The following SNTG2 variants were observed in gnomAD, a reference collection of about 807,000 sequenced individuals.
SNTG2 encodes the protein gamma-2-syntrophin.
Under a neutral mutation model 70.9 loss-of-function variants are expected in SNTG2, and 74 were observed. The observed-to-expected ratio is 1.04, with a 90% CI of 0.86 to 1.27. The LOEUF is 1.27. Ranked by LOEUF, SNTG2 falls within the 50% of genes most tolerant of loss-of-function variation. SNTG2 has a pLI of 0.00. For synonymous variants in SNTG2, 278 were observed against 273.8 expected (o/e 1.02, Z -0.15); for missense variants, 717 against 690.7 (o/e 1.04, Z -0.43).
At chr2:1,218,637 T>C (rs1020441831) in intron 9 of SNTG2, among the ~76,000 whole-genome samples, 2 of 152,100 alleles carry the variant, frequency 1.3e-5, no homozygotes, top group African/African-American at 4.8e-5. Context: ...GTATCCACAA[T>C]CATTTTGCAA....
intron 1 of SNTG2, among the ~76,000 whole-genome samples, chr2:1,081,536 G>A (rs7581520): frequency 0.99 from 150,584 of 152,358 alleles, 74,442 homozygotes; most frequent in East Asian, 1. Context: ...CGGTCAGGCA[G>A]GGCCAGCAGT....
chr2:1,199,454 T>TTGTAA (rs1055295476), intron 8 of SNTG2, among the ~76,000 whole-genome samples: 27 of 151,982 alleles, frequency 1.8e-4, no homozygotes, highest in Non-Finnish European at 3.7e-4. Context: ...CCTCTAAAAA[T>TTGTAA]TGTAATAAGA....
At chr2:1,296,328 T>C (rs1360285921) in intron 14 of SNTG2, among the ~76,000 whole-genome samples, 1 of 152,266 alleles carries the variant, frequency 6.6e-6, no homozygotes, top group Non-Finnish European at 1.5e-5. Flanking sequence ...ATTTGATTTT[T>C]ATAAAACTTA....
At chr2:1,328,871 ACACATG>A (rs1681870705) in intron 16 of SNTG2, among the ~76,000 whole-genome samples, 1 of 151,978 alleles carries the variant, frequency 6.6e-6, no homozygotes, top group African/African-American at 2.4e-5. Flanking sequence ...ACACACACAT[ACACATG>A]CACACGCATA....
chr2:1,254,062 G>C (rs1163774503), intron 12 of SNTG2, among the ~76,000 whole-genome samples: 3 of 152,164 alleles, frequency 2.0e-5, no homozygotes, highest in Non-Finnish European at 4.4e-5. Flanking sequence ...CCTCCCACCA[G>C]GCTCCACCTC....
At chr2:1,029,986 G>A (rs1357768471) in intron 1 of SNTG2, among the ~76,000 whole-genome samples, 1 of 152,140 alleles carries the variant, frequency 6.6e-6, no homozygotes, top group Non-Finnish European at 1.5e-5. Context: ...AGCTGTTGAT[G>A]CAGAGTGACT....
intron 1 of SNTG2, among the ~76,000 whole-genome samples, chr2:1,080,334 A>C (rs1664204046): frequency 1.3e-5 from 2 of 152,118 alleles, no homozygotes; most frequent in African/African-American, 2.4e-5. Context: ...ACTGCCTGTG[A>C]CTTATTTTTA....
chr2:1,026,147 G>A lies in SNTG2; in HGVS notation c.73-57371G>A, dbSNP rs72764924. On this transcript the variant is annotated intron_variant, in intron 1 of 16. Coordinates refer to ENST00000308624, the MANE Select transcript of SNTG2 (RefSeq NM_018968.4). ...AAAGCAAGCAGCTTTGTTTGTTACT[G>A]GATAATTTTGAAAAGTTTGTTGTTG... is the stretch of plus-strand genomic sequence containing the variant. 8.7e-3 allele frequency among the ~76,000 whole-genome samples: 1,330 copies of A among 152,262 alleles called. 14 individuals are homozygous for A. Among genetic ancestry groups the A allele is most frequent in the Non-Finnish European group, 0.014 (974 of 68,018 alleles).
Position 1,262,479 on chromosome 2 carries a change from T to C in SNTG2, c.1077+3038T>C, listed in dbSNP as rs140242535. Among the ~76,000 whole-genome samples the C allele has an allele frequency of 2.0e-5, 3 of 152,336 alleles. No homozygotes were observed. In the East Asian group the frequency reaches 5.8e-4, roughly 29 times the overall value. On this transcript the variant is annotated intron_variant, in intron 13 of 16. Coordinates refer to ENST00000308624, the MANE Select transcript of SNTG2 (RefSeq NM_018968.4). ...CAAGAGACTTCTAGAAAGATTCAGG[T>C]ATCAAATGGCAGAGAAAGAACATAC...
At chr2:1,244,492 T>C (rs369750008) in intron 11 of SNTG2, among the ~76,000 whole-genome samples, 5 of 152,014 alleles carry the variant, frequency 3.3e-5, no homozygotes, top group South Asian at 4.2e-4. Flanking sequence ...GGCAGGAGAT[T>C]GAGACCATCC....
intron 10 of SNTG2, 65 bp from the exon 11 acceptor site, chr2:1,239,673 T>C: frequency 1.7e-5 from 27 of 1,565,768 alleles, no homozygotes; most frequent in Non-Finnish European, 2.4e-5. Context: ...CTTCCAGCTG[T>C]CACTCAGGTG....
intron 8 of SNTG2, among the ~76,000 whole-genome samples, chr2:1,197,373 A>G (rs529539465): frequency 2.6e-5 from 4 of 151,092 alleles, no homozygotes; most frequent in East Asian, 2.0e-4. Flanking sequence ...AAAAAGACAC[A>G]AAGAAGATCT....
intron 4 of SNTG2, among the ~76,000 whole-genome samples, chr2:1,126,941 T>G (rs1572508242): frequency 6.6e-6 from 1 of 152,334 alleles, no homozygotes; most frequent in Non-Finnish European, 1.5e-5. Flanking sequence ...GTTGTTTCCT[T>G]TGCTGTGCAG....
At chr2:1,116,429 C>T (rs1666969764) in intron 4 of SNTG2, among the ~76,000 whole-genome samples, 1 of 152,174 alleles carries the variant, frequency 6.6e-6, no homozygotes, top group African/African-American at 2.4e-5. Flanking sequence ...ATTAGGGGTG[C>T]TCTTGCATGG....
chr2:1,316,533 G>C (rs79534404), intron 16 of SNTG2, among the ~76,000 whole-genome samples, 158 bp downstream of exon 16: 78,474 of 151,184 alleles, frequency 0.52, 20,465 homozygotes, highest in Middle Eastern at 0.68. Context: ...CAATAAATAC[G>C]CCGAAAGAGC....
At chr2:1,040,581 A>G (rs756069189) in intron 1 of SNTG2, among the ~76,000 whole-genome samples, 86 of 152,340 alleles carry the variant, frequency 5.6e-4, no homozygotes, top group African/African-American at 2.0e-3. Context: ...CGAAATCCAC[A>G]TTGATCTACC....
intron 4 of SNTG2, among the ~76,000 whole-genome samples, chr2:1,109,306 G>T (rs1170864963): frequency 6.6e-6 from 1 of 152,014 alleles, no homozygotes; most frequent in Non-Finnish European, 1.5e-5. Context: ...TACATGTGGT[G>T]TTTCCAACAC....
At chr2:1,130,995 C>T (rs1667978823) in intron 4 of SNTG2, among the ~76,000 whole-genome samples, 1 of 152,124 alleles carries the variant, frequency 6.6e-6, no homozygotes, top group African/African-American at 2.4e-5. Flanking sequence ...TTTGTTTTAT[C>T]AGGTAACACA....
chr2:1,045,039 T>C (rs1661653475), intron 1 of SNTG2, among the ~76,000 whole-genome samples: 2 of 151,706 alleles, frequency 1.3e-5, no homozygotes, highest in South Asian at 2.1e-4. Flanking sequence ...GTTTTTTTTT[T>C]GTTAATTATT....
Sources: gnomAD v4.1 joint callset for allele counts (sites outside exome capture counted in the v4.1 genomes callset) on GRCh38, gnomAD v4.1.1 for gene constraint, MANE v1.5 for transcripts, NCBI Gene and HGNC (gene_info 2026-07-23, HGNC 2026-07-21) for gene names.